The following HECW1 variants were observed in gnomAD, a reference collection of about 807,000 sequenced individuals.
The protein encoded by HECW1 is E3 ubiquitin-protein ligase HECW1.
In HECW1, 61 loss-of-function variants were observed where a neutral mutation model predicts 182.3. That is an observed-to-expected ratio of 0.33 (90% CI 0.27 to 0.41). The LOEUF is 0.41. HECW1 is among the 10% of genes least tolerant of loss of function. The pLI is 1.00. For missense variants in HECW1, 1,739 were observed against 2,108.9 expected (o/e 0.82, Z 3.44); for synonymous variants, 859 against 832.6 (o/e 1.03, Z -0.55).
intron 17 of HECW1, among the ~76,000 whole-genome samples, chr7:43,480,226 C>T (rs946799133): frequency 1.3e-5 from 2 of 152,192 alleles, no homozygotes; most frequent in African/African-American, 2.4e-5. Context: ...CCACTCTATT[C>T]GCGCTCTACA....
At chr7:43,361,055 T>TGCGTGC in intron 6 of HECW1, 75 bp downstream of exon 6, 3 of 771,618 alleles carry the variant, frequency 3.9e-6, no homozygotes, top group Non-Finnish European at 6.2e-6. Context: ...TTCTTGTGCG[T>TGCGTGC]GCGTGTGTGT....
At position 43,289,168 on chromosome 7, in the gene HECW1, G is replaced by A. The variant is rs568519989; in HGVS notation, c.28-22595G>A. On this transcript the variant is annotated intron_variant, in intron 3 of 29. Coordinates refer to ENST00000395891, the MANE Select transcript of HECW1 (RefSeq NM_015052.5). ...TGTCACCAGGCTGGAGTGCAGTGGC[G>A]TGATCTCAGCTCACTGCAACCTCCG... 2.1e-4 allele frequency among the ~76,000 whole-genome samples: 31 copies of A among 150,898 alleles called. No homozygotes were observed. In the East Asian group the frequency reaches 3.1e-3, roughly 15 times the overall value.
chr7:43,280,420 G>T (rs960047479), intron 3 of HECW1, among the ~76,000 whole-genome samples: 1 of 152,168 alleles, frequency 6.6e-6, no homozygotes, highest in Non-Finnish European at 1.5e-5. Context: ...CGATTAAAAT[G>T]CCGAGTCACA....
chr7:43,188,813 C>T lies in HECW1; in HGVS notation c.-31-55062C>T, dbSNP rs76779295. Among the ~76,000 whole-genome samples, 554 of 152,308 alleles carry T rather than the reference C, an allele frequency of 3.6e-3. 18 individuals are homozygous for T. The East Asian group carries it at 0.073, about 20-fold the overall frequency. On this transcript the variant is annotated intron_variant, in intron 2 of 29. Transcript: ENST00000395891. ...GCTGGAGGGGGAAGAACTGGGGATA[C>T]TTGGCCAACAGTACAGTGCCTTCTG...
intron 2 of HECW1, among the ~76,000 whole-genome samples, chr7:43,116,542 C>G (rs1181604827): frequency 6.6e-6 from 1 of 152,184 alleles, no homozygotes. Context: ...CCTTCCTGGG[C>G]CAGCCAAGCT....
chr7:43,278,008 C>A (rs1444190738), intron 3 of HECW1, among the ~76,000 whole-genome samples: 1 of 152,044 alleles, frequency 6.6e-6, no homozygotes. Context: ...CAGACCTGGC[C>A]CTCTCCTGCT....
At chr7:43,169,878 A>G (rs1030012196) in intron 2 of HECW1, among the ~76,000 whole-genome samples, 2 of 151,940 alleles carry the variant, frequency 1.3e-5, no homozygotes, top group African/African-American at 4.8e-5. Context: ...CCCCCAGGAG[A>G]CAATCCCCTA....
intron 19 of HECW1, among the ~76,000 whole-genome samples, chr7:43,497,281 G>A (rs1385589328): frequency 6.6e-6 from 1 of 152,154 alleles, no homozygotes; most frequent in Non-Finnish European, 1.5e-5. Flanking sequence ...GGTGAAAAAT[G>A]AAAGAAAGCT....
At chr7:43,209,349 A>G (rs907207211) in intron 2 of HECW1, among the ~76,000 whole-genome samples, 2 of 152,172 alleles carry the variant, frequency 1.3e-5, no homozygotes, top group Non-Finnish European at 2.9e-5. Context: ...GTCCTCAGCC[A>G]GGGCCTGCGG....
intron 24 of HECW1, among the ~76,000 whole-genome samples, chr7:43,515,220 G>A (rs981959242): frequency 2.0e-5 from 3 of 152,198 alleles, no homozygotes; most frequent in African/African-American, 7.2e-5. Flanking sequence ...AAGGCATCCT[G>A]GTGTCGGGTA....
intron 3 of HECW1, among the ~76,000 whole-genome samples, chr7:43,308,131 T>C (rs1316692132): frequency 9.5e-6 from 1 of 105,244 alleles, no homozygotes; most frequent in African/African-American, 4.0e-5. Context: ...TATATTTATA[T>C]ATAATATATT....
At chr7:43,162,861 C>T (rs998787292) in intron 2 of HECW1, 5 of 152,250 alleles carry the variant, frequency 3.3e-5, no homozygotes, top group Non-Finnish European at 5.9e-5. Flanking sequence ...CCTTTACAAG[C>T]ATCATCTGAG....
intron 11 of HECW1, among the ~76,000 whole-genome samples, chr7:43,446,889 G>A (rs977279385): frequency 2.6e-5 from 4 of 152,188 alleles, no homozygotes; most frequent in South Asian, 4.1e-4. Context: ...AGGATGTTTC[G>A]AGGACTTCCT....
intron 12 of HECW1, among the ~76,000 whole-genome samples, chr7:43,451,672 A>C (rs375922158): frequency 1.3e-5 from 2 of 152,212 alleles, no homozygotes; most frequent in African/African-American, 4.8e-5. Flanking sequence ...TTCTAGCTTT[A>C]ACTTCATAAT....
chr7:43,382,725 G>C, intron 6 of HECW1, among the ~76,000 whole-genome samples: 1 of 152,202 alleles, frequency 6.6e-6, no homozygotes, highest in Non-Finnish European at 1.5e-5. Flanking sequence ...TGAGTGAACT[G>C]AGTGGATGGA....
chr7:43,270,106 AT>A (rs1199122298), intron 3 of HECW1, among the ~76,000 whole-genome samples: 1 of 152,194 alleles, frequency 6.6e-6, no homozygotes, highest in Non-Finnish European at 1.5e-5. Flanking sequence ...TTCTTTTGAA[AT>A]TCTGTGTGTT....
chr7:43,417,028 C>G (rs576879278), intron 8 of HECW1, among the ~76,000 whole-genome samples: 9 of 152,336 alleles, frequency 5.9e-5, no homozygotes, highest in Admixed American at 5.9e-4. Context: ...GGAGCTGTTC[C>G]TATTCGGCCA....
intron 5 of HECW1, among the ~76,000 whole-genome samples, chr7:43,349,531 G>A (rs1213083388): frequency 6.6e-6 from 1 of 152,030 alleles, no homozygotes. Flanking sequence ...TATAAATTTG[G>A]GAGCTCCAGT....
intron 3 of HECW1, among the ~76,000 whole-genome samples, chr7:43,307,876 CTATA>C (rs71008900): frequency 0.22 from 27,630 of 127,384 alleles, 3,123 homozygotes; most frequent in South Asian, 0.38. Context: ...AATCATTTCA[CTATA>C]TATATATATA....
Sources: allele counts gnomAD v4.1 joint callset (sites outside exome capture counted in the v4.1 genomes callset), GRCh38; gene constraint gnomAD v4.1.1; transcripts MANE v1.5; gene names NCBI Gene and HGNC (gene_info 2026-07-23, HGNC 2026-07-21).